ST3GAL3: variants seen among roughly 807,000 people sequenced by gnomAD.
ST3GAL3 encodes the protein CMP-N-acetylneuraminate-beta-1,4-galactoside alpha-2,3-sialyltransferase.
Under a neutral mutation model 50.1 loss-of-function variants are expected in ST3GAL3, and 21 were observed. The observed-to-expected ratio is 0.42, with a 90% CI of 0.30 to 0.60. ST3GAL3 has a LOEUF of 0.60. Among genes scored for constraint, ST3GAL3 ranks in the 20% least tolerant of loss-of-function variants. The pLI, the probability that ST3GAL3 is intolerant of heterozygous loss-of-function variation, is 0.19. For synonymous variants in ST3GAL3, 183 were observed against 190.0 expected (o/e 0.96, Z 0.30); for missense variants, 353 against 489.4 (o/e 0.72, Z 2.63).
chr1:43,913,283 A>G (rs2081246578), intron 9 of ST3GAL3: 2 of 152,232 alleles, frequency 1.3e-5, no homozygotes, highest in Admixed American at 1.3e-4. Context: ...AGATTTATTG[A>G]GCTTGCTGTA....
intron 5 of ST3GAL3, among the ~76,000 whole-genome samples, chr1:43,869,932 C>T (rs1570257491): frequency 6.6e-6 from 1 of 152,212 alleles, no homozygotes; most frequent in Non-Finnish European, 1.5e-5. Context: ...CTCAGACCAC[C>T]CTCCCTGTAG....
At chr1:43,757,457 G>GAT (rs1688552323) in intron 2 of ST3GAL3, among the ~76,000 whole-genome samples, 1 of 152,180 alleles carries the variant, frequency 6.6e-6, no homozygotes, top group Non-Finnish European at 1.5e-5. Context: ...TATAAAGATA[G>GAT]ATATATAGAT....
At chr1:43,761,819 T>TG (rs551465364) in intron 2 of ST3GAL3, among the ~76,000 whole-genome samples, 1 of 151,050 alleles carries the variant, frequency 6.6e-6, no homozygotes, top group East Asian at 2.0e-4. Flanking sequence ...GGCATGGTGG[T>TG]GGGCGCCTGT....
chr1:43,726,323 G>T (rs909908155), intron 1 of ST3GAL3, among the ~76,000 whole-genome samples: 2 of 152,074 alleles, frequency 1.3e-5, no homozygotes, highest in Non-Finnish European at 2.9e-5. Flanking sequence ...GTCTTGCTCT[G>T]TCACTCAGGC....
At position 43,894,003 on chromosome 1, in the gene ST3GAL3, T is replaced by C. The variant is rs1570838412; in HGVS notation, c.303-380T>C. ...ATTTTTGGATATATTTCTGCTCAAC[T>C]GGACAGTGTCTCATCTCTGTGTTCC... is the stretch of plus-strand genomic sequence containing the variant. On this transcript the variant is annotated intron_variant, in intron 5 of 11. Coordinates refer to ENST00000347631, the MANE Select transcript of ST3GAL3 (RefSeq NM_006279.5). 9.2e-6 allele frequency: 3 copies of C among 327,112 alleles called. No homozygotes were observed. In the East Asian group the frequency reaches 2.2e-4, roughly 24 times the overall value. 20.3% of individuals were successfully genotyped at this position (327,112 alleles called of 1,614,324 possible).
chr1:43,910,514 T>A (rs3791111), intron 9 of ST3GAL3, among the ~76,000 whole-genome samples: 1 of 152,344 alleles, frequency 6.6e-6, no homozygotes, highest in East Asian at 1.9e-4. Flanking sequence ...CACACTGTGC[T>A]CATCTGCAAT....
At chr1:43,806,898 C>G (rs1311187042) in intron 3 of ST3GAL3, among the ~76,000 whole-genome samples, 1 of 152,116 alleles carries the variant, frequency 6.6e-6, no homozygotes, top group Non-Finnish European at 1.5e-5. Flanking sequence ...ACCATGTTGC[C>G]CAGGCTGGTC....
chr1:43,749,789 C>G (rs1172276236), intron 2 of ST3GAL3, among the ~76,000 whole-genome samples: 1 of 152,152 alleles, frequency 6.6e-6, no homozygotes, highest in Non-Finnish European at 1.5e-5. Flanking sequence ...AGTGCTCTGC[C>G]CTCATAAATG....
intron 2 of ST3GAL3, among the ~76,000 whole-genome samples, chr1:43,788,508 G>A (rs998091921): frequency 8.5e-5 from 13 of 152,108 alleles, no homozygotes; most frequent in Non-Finnish European, 1.9e-4. Context: ...TTTTCCTAGG[G>A]TGAGGCCAGG....
chr1:43,764,052 G>C (rs1371383814), intron 2 of ST3GAL3, among the ~76,000 whole-genome samples: 2 of 148,884 alleles, frequency 1.3e-5, no homozygotes, highest in African/African-American at 5.0e-5. Context: ...TCTTAGCACT[G>C]TGTTGTGAAC....
intron 1 of ST3GAL3, among the ~76,000 whole-genome samples, chr1:43,734,818 T>C (rs1356061589): frequency 6.6e-6 from 1 of 152,210 alleles, no homozygotes; most frequent in African/African-American, 2.4e-5. Context: ...TACATCATTT[T>C]TTTCTCTTAT....
intron 9 of ST3GAL3, among the ~76,000 whole-genome samples, chr1:43,917,561 T>TATATTA: frequency 1.2e-5 from 1 of 80,182 alleles, no homozygotes; most frequent in South Asian, 3.1e-4. Context: ...ATATAATATA[T>TATATTA]TATATTATAT....
In ST3GAL3 at chr1:43,851,893, A is replaced by G. The variant is rs1293612787; in HGVS notation, c.302+13582A>G. ...CTGGCCGCACCAACCCCAAATCCCA[A>G]ACTTGGTGCGGGACTGCTAGTGCTC... On this transcript the variant is annotated intron_variant, in intron 5 of 11. Coordinates refer to ENST00000347631, the MANE Select transcript of ST3GAL3 (RefSeq NM_006279.5). Among the ~76,000 whole-genome samples, 3 of 152,044 alleles carry G rather than the reference A, an allele frequency of 2.0e-5. No individual in the cohort carries two copies. In the East Asian group the frequency reaches 5.8e-4, roughly 29 times the overall value.
At chr1:43,855,077 T>A (rs1200184530) in intron 5 of ST3GAL3, among the ~76,000 whole-genome samples, 1 of 152,228 alleles carries the variant, frequency 6.6e-6, no homozygotes, top group Non-Finnish European at 1.5e-5. Context: ...AAGTGCCAGA[T>A]ATTTTTCTAG....
intron 2 of ST3GAL3, among the ~76,000 whole-genome samples, chr1:43,762,609 G>A (rs971101662): frequency 6.6e-6 from 1 of 152,114 alleles, no homozygotes; most frequent in African/African-American, 2.4e-5. Flanking sequence ...GGATATAAAC[G>A]CTACCATTTA....
At chr1:43,739,464 C>G (rs1400990679) in intron 2 of ST3GAL3, 1 of 152,186 alleles carries the variant, frequency 6.6e-6, no homozygotes, top group Non-Finnish European at 1.5e-5. Flanking sequence ...GTCTTCTCAC[C>G]TCAGCCTCCC....
chr1:43,789,636 CA>C (rs1232027939), intron 2 of ST3GAL3, among the ~76,000 whole-genome samples: 1 of 151,960 alleles, frequency 6.6e-6, no homozygotes, highest in Non-Finnish European at 1.5e-5. Flanking sequence ...TTTGGGAGGT[CA>C]AAGCAGGAGG....
At position 43,808,238 on chromosome 1, in the gene ST3GAL3, C is replaced by T. The variant is rs568872573; in HGVS notation, c.167-6653C>T. ...AGAATCACTTGAACCCGGGAGGTGG[C>T]GGTTGCAGTGAGCTGAGATCACGCC... On this transcript the variant is annotated intron_variant, in intron 3 of 11. Transcript: ENST00000347631. Among the ~76,000 whole-genome samples, 9 of 146,140 alleles carry T rather than the reference C, an allele frequency of 6.2e-5. No individual in the cohort carries two copies. The South Asian group carries it at 1.5e-3, about 25-fold the overall frequency.
At chr1:43,878,460 C>T (rs2074498066) in intron 5 of ST3GAL3, among the ~76,000 whole-genome samples, 1 of 152,096 alleles carries the variant, frequency 6.6e-6, no homozygotes, top group Non-Finnish European at 1.5e-5. Context: ...GGGTTGGCCT[C>T]AAGGGAAATG....
Sources: gnomAD v4.1 joint callset for allele counts (sites outside exome capture counted in the v4.1 genomes callset) on GRCh38, gnomAD v4.1.1 for gene constraint, MANE v1.5 for transcripts, NCBI Gene and HGNC (gene_info 2026-07-23, HGNC 2026-07-21) for gene names.